CFAP45: variants seen among roughly 807,000 people sequenced by gnomAD.
CFAP45 encodes cilia- and flagella-associated protein 45.
CFAP45 carries 43 observed loss-of-function variants against 75.6 expected under a neutral mutation model. That is an observed-to-expected ratio of 0.57 (90% CI 0.45 to 0.73). CFAP45 has a LOEUF of 0.73. Among genes scored for constraint, CFAP45 ranks in the 30% least tolerant of loss-of-function variants. The probability of loss-of-function intolerance (pLI) is 0.00; values close to 1 mark genes in which losing one functional copy is unlikely to be tolerated. For synonymous variants in CFAP45, 223 were observed against 244.6 expected, an observed-to-expected ratio of 0.91 and a Z score of 0.82; for missense variants, 689 against 701.5, an observed-to-expected ratio of 0.98 and a Z score of 0.20.
intron 3 of CFAP45, 54 bp from the exon 4 acceptor site, chr1:159,888,550 A>G: frequency 1.3e-6 from 2 of 1,547,798 alleles, no homozygotes; most frequent in Middle Eastern, 1.9e-4. Context: ...TCTCAGCACC[A>G]CACTTCAGGC....
chr1:159,888,308 C>A (rs1325373514), intron 4 of CFAP45, 44 bp downstream of exon 4: 1 of 1,597,060 alleles, frequency 6.3e-7, no homozygotes, highest in South Asian at 1.1e-5. Flanking sequence ...CATTTTGATT[C>A]TGCCACCCAT....
intron 1 of CFAP45, among the ~76,000 whole-genome samples, chr1:159,899,319 T>A (rs1650017271): frequency 6.6e-6 from 1 of 152,198 alleles, no homozygotes; most frequent in African/African-American, 2.4e-5. Context: ...AAATATTTAT[T>A]GACTAACTAC....
chr1:159,873,805 C>G (rs1302568034), intron 10 of CFAP45, among the ~76,000 whole-genome samples: 1 of 140,564 alleles, frequency 7.1e-6, no homozygotes, highest in Non-Finnish European at 1.6e-5. Flanking sequence ...TAACTCCTCT[C>G]CAGCTTATCC....
intron 8 of CFAP45, among the ~76,000 whole-genome samples, chr1:159,878,264 A>G (rs1649454088): frequency 1.3e-5 from 2 of 152,232 alleles, no homozygotes; most frequent in African/African-American, 2.4e-5. Context: ...GTCCCTGGGC[A>G]AAGAGCCAAC....
intron 2 of CFAP45, 141 bp from the exon 3 acceptor site, chr1:159,890,763 T>C: frequency 1.7e-5 from 11 of 658,788 alleles, no homozygotes; most frequent in Non-Finnish European, 2.6e-5. Flanking sequence ...TTTTCTTTTT[T>C]TTTTTTTTTT....
rs376310621 is a variant in CFAP45 at position 159,878,809 on chromosome 1, C to T, written c.1045-1347G>A. On this transcript the variant is annotated intron_variant, in intron 8 of 11. Transcript: ENST00000368099. ...CTTCCTTGCCCTCATTCTACCTGCCCAGACTTCTGTGAAGCCCAGTGAGTT... is the reference window on the plus strand; with the variant it reads ...CTTCCTTGCCCTCATTCTACCTGCCTAGACTTCTGTGAAGCCCAGTGAGTT... Among the ~76,000 whole-genome samples the T allele has an allele frequency of 9.1e-5, 13 of 142,880 alleles. No homozygotes were observed. The East Asian group carries it at 1.5e-3, about 17-fold the overall frequency. The allele number at this position is 142,880 out of a possible 152,430, so 93.7% of individuals were successfully genotyped here.
intron 10 of CFAP45, among the ~76,000 whole-genome samples, chr1:159,874,351 G>A (rs563104612): frequency 7.9e-5 from 12 of 151,812 alleles, no homozygotes; most frequent in African/African-American, 2.4e-4. Context: ...CCATACATGC[G>A]GCATCCTCCC....
intron 7 of CFAP45, among the ~76,000 whole-genome samples, chr1:159,881,677 C>T (rs900380518): frequency 7.2e-5 from 11 of 152,326 alleles, no homozygotes; most frequent in Non-Finnish European, 1.3e-4. Flanking sequence ...AAACATTTGA[C>T]GGAGATCAGA....
intron 7 of CFAP45, 42 bp from the exon 8 acceptor site, chr1:159,880,742 A>G (rs371083374): frequency 1.2e-6 from 2 of 1,602,630 alleles, no homozygotes; most frequent in African/African-American, 2.7e-5. Context: ...CAAAGAGGTA[A>G]GACAAGAAGC....
intron 5 of CFAP45, 141 bp from the exon 6 acceptor site, chr1:159,886,830 C>A (rs766263733): frequency 5.0e-5 from 35 of 697,038 alleles, no homozygotes; most frequent in Non-Finnish European, 8.7e-5. Flanking sequence ...TAAGAATGTT[C>A]TTATATTTAC....
chr1:159,891,352 A>G (rs1649824803), intron 2 of CFAP45, among the ~76,000 whole-genome samples: 1 of 152,114 alleles, frequency 6.6e-6, no homozygotes, highest in African/African-American at 2.4e-5. Flanking sequence ...TCTTACGATT[A>G]AATTACTTTA....
At chr1:159,888,110 T>G (rs1649738122) in intron 4 of CFAP45, 99 bp from the exon 5 acceptor site, 1 of 1,389,182 alleles carries the variant, frequency 7.2e-7, no homozygotes, top group African/African-American at 1.4e-5. Context: ...CAATTTTGCC[T>G]TGGCCAGTGA....
rs147644439 is a variant in CFAP45, at chr1:159,873,082, C to T, written c.1439G>A (p.Arg480His). Reference protein sequence around the residue: ...GRLQHANELRRQVRENQQKEV... With the variant: ...GRLQHANELRHQVRENQQKEV... ...CTTCTGCTGGTTCTCGCGCACCTGG[C>T]GCCGGAGCTCATTGGCATGCTGTAA... The change falls in exon 11 of 12, where the codon CGC becomes CAC. Residue 480 changes from arginine to histidine, a missense_variant. Arg to His is a conservative substitution (Grantham distance 29). Coordinates refer to ENST00000368099, the MANE Select transcript of CFAP45 (RefSeq NM_012337.3). 3.6e-5 allele frequency: 58 copies of T among 1,614,220 alleles called. 1 individual carries two copies. In the Admixed American group the frequency reaches 8.5e-4, roughly 24 times the overall value.
At chr1:159,884,334 T>G in intron 7 of CFAP45, 102 bp downstream of exon 7, 1 of 1,234,810 alleles carries the variant, frequency 8.1e-7, no homozygotes, top group Non-Finnish European at 1.1e-6. Flanking sequence ...GAAATGAGCA[T>G]GTGCCTGGCA....
intron 7 of CFAP45, among the ~76,000 whole-genome samples, chr1:159,883,078 CCT>C (rs1398502600): frequency 3.3e-5 from 5 of 152,200 alleles, no homozygotes; most frequent in Admixed American, 2.6e-4. Context: ...TTCACGTCCC[CCT>C]GTCACTCACC....
intron 10 of CFAP45, 146 bp downstream of exon 10, chr1:159,876,410 T>A: frequency 3.1e-6 from 2 of 635,628 alleles, no homozygotes; most frequent in Non-Finnish European, 5.6e-6. Flanking sequence ...AAAGTTTCAA[T>A]CATCCATCTA....
At chr1:159,875,301 G>A (rs1649372690) in intron 10 of CFAP45, among the ~76,000 whole-genome samples, 2 of 152,184 alleles carry the variant, frequency 1.3e-5, no homozygotes, top group African/African-American at 2.4e-5. Flanking sequence ...CATCTGGAAG[G>A]CAGTCTGTAG....
chr1:159,874,246 T>G (rs1649349923), intron 10 of CFAP45, among the ~76,000 whole-genome samples: 1 of 152,198 alleles, frequency 6.6e-6, no homozygotes, highest in African/African-American at 2.4e-5. Flanking sequence ...ATTTCTCACC[T>G]GCTCTCCTCC....
chr1:159,879,647 A>G (rs1366267001), intron 8 of CFAP45, among the ~76,000 whole-genome samples: 1 of 152,204 alleles, frequency 6.6e-6, no homozygotes, highest in East Asian at 1.9e-4. Flanking sequence ...TAAGAATACT[A>G]AAGCCAATAA....
Sources: allele counts gnomAD v4.1 joint callset (sites outside exome capture counted in the v4.1 genomes callset), GRCh38; gene constraint gnomAD v4.1.1; transcripts MANE v1.5; gene names NCBI Gene and HGNC (gene_info 2026-07-23, HGNC 2026-07-21).